VPS13A: variants seen among roughly 807,000 people sequenced by gnomAD.
VPS13A encodes intermembrane lipid transfer protein VPS13A.
Under a neutral mutation model 390.9 loss-of-function variants are expected in VPS13A, and 264 were observed. The ratio of observed to expected loss-of-function variants is 0.68; its 90% CI spans 0.61 to 0.75. VPS13A has a LOEUF of 0.75. Ranked by LOEUF, VPS13A falls within the 30% of genes least tolerant of loss-of-function variation. VPS13A has a pLI of 0.00. For synonymous variants in VPS13A, 1,231 were observed against 1,227.1 expected (o/e 1.00, Z -0.07); for missense variants, 3,409 against 3,733.9 (o/e 0.91, Z 2.27).
Position 77,264,582 on chromosome 9 carries a change from A to G in VPS13A, c.2427+4358A>G, listed in dbSNP as rs545328711. ...AATTGTGAATGGGAGTTCACTGATT[A>G]TTTGGCTCTCTGTTTGTCTATTATT... is the stretch of plus-strand genomic sequence containing the variant. On this transcript the variant is annotated intron_variant, in intron 23 of 71. Transcript: ENST00000360280. Among the ~76,000 whole-genome samples the G allele has an allele frequency of 1.2e-3, 179 of 152,248 alleles. 3 individuals carry two copies. In the South Asian group the frequency reaches 0.037, roughly 32 times the overall value.
intron 67 of VPS13A, among the ~76,000 whole-genome samples, chr9:77,380,298 G>A (rs563960820): frequency 6.3e-4 from 96 of 151,472 alleles, no homozygotes; most frequent in Non-Finnish European, 1.2e-3. Flanking sequence ...TATCTATTCT[G>A]TTTTTATTTT....
intron 53 of VPS13A, among the ~76,000 whole-genome samples, chr9:77,353,071 C>T (rs1016699841): frequency 6.6e-6 from 1 of 151,988 alleles, no homozygotes; most frequent in African/African-American, 2.4e-5. Context: ...TAATACATAT[C>T]ACATTGCTGT....
chr9:77,228,688 C>A (rs1406302171), intron 17 of VPS13A, among the ~76,000 whole-genome samples: 8 of 152,084 alleles, frequency 5.3e-5, no homozygotes, highest in Non-Finnish European at 1.2e-4. Context: ...TGTACAACCA[C>A]CAGCACTGTA....
intron 15 of VPS13A, 47 bp from the exon 16 acceptor site, chr9:77,227,344 T>C: frequency 7.5e-7 from 1 of 1,335,610 alleles, no homozygotes; most frequent in South Asian, 1.2e-5. Context: ...TGTGTTAATT[T>C]TATTGTTTTT....
chr9:77,284,666 C>G (rs574644954), intron 31 of VPS13A, among the ~76,000 whole-genome samples: 1 of 152,040 alleles, frequency 6.6e-6, no homozygotes, highest in African/African-American at 2.4e-5. Flanking sequence ...AGAGCATGAT[C>G]CAACCCATTG....
chr9:77,215,841 A>G (rs918930742), intron 10 of VPS13A, among the ~76,000 whole-genome samples: 12 of 152,214 alleles, frequency 7.9e-5, no homozygotes, highest in African/African-American at 2.4e-4. Flanking sequence ...CTTTCTGGAA[A>G]TTACTTTTAG....
In VPS13A at chr9:77,213,281, G is replaced by C. The variant is rs771869402; in HGVS notation, c.663G>C (p.Gln221His). Reference sequence around the variant, plus strand: ...TTGCCTATTGGAATGTGAAGTCTCAGATGTTTTATCTTAGTGATTATGATA... The same window carrying C: ...TTGCCTATTGGAATGTGAAGTCTCACATGTTTTATCTTAGTGATTATGATA... Reference protein sequence around the residue: ...NLFAYWNVKSQMFYLSDYDNS... With the variant: ...NLFAYWNVKSHMFYLSDYDNS... The change falls in exon 9 of 72, where the codon CAG (glutamine) becomes CAC (histidine). Residue 221 changes from glutamine to histidine, a missense_variant. By Grantham distance (24) the Gln-to-His change is conservative. Coordinates refer to ENST00000360280, the MANE Select transcript of VPS13A (RefSeq NM_033305.3). The C allele has an allele frequency of 4.3e-6, 7 of 1,613,664 alleles. No individual in the cohort carries two copies. The East Asian group carries it at 1.3e-4, about 31-fold the overall frequency.
At chr9:77,388,675 A>G (rs1409857024) in intron 68 of VPS13A, among the ~76,000 whole-genome samples, 1 of 152,206 alleles carries the variant, frequency 6.6e-6, no homozygotes, top group Non-Finnish European at 1.5e-5. Flanking sequence ...CCTCAAATAC[A>G]TGAGCACTGA....
intron 28 of VPS13A, 64 bp from the exon 29 acceptor site, chr9:77,282,057 C>T: frequency 6.5e-7 from 1 of 1,527,848 alleles, no homozygotes; most frequent in Non-Finnish European, 9.1e-7. Flanking sequence ...AAGCATAGTG[C>T]CTTGTAGAGA....
chr9:77,283,296 A>AT, intron 29 of VPS13A, 59 bp from the exon 30 acceptor site: 1 of 950,072 alleles, frequency 1.1e-6, no homozygotes, highest in South Asian at 1.4e-5. Flanking sequence ...TTATAAGTAT[A>AT]GTGAGGTAAC....
At chr9:77,370,792 T>C (rs1832707119) in intron 65 of VPS13A, 98 bp from the exon 66 acceptor site, 30 of 1,523,032 alleles carry the variant, frequency 2.0e-5, no homozygotes, top group Admixed American at 8.6e-5. Context: ...TTATGCTATA[T>C]AAAAAGCAGA....
Position 77,317,639 on chromosome 9 carries a change from ACTC to A in VPS13A, c.4898_4900del (p.Thr1633_Gln1634delinsLys), listed in dbSNP as rs1829477466. On this transcript the variant is annotated inframe_deletion, in exon 40 of 72. Coordinates refer to ENST00000360280, the MANE Select transcript of VPS13A (RefSeq NM_033305.3). ...GCCCTGTGACTTGTTTTATCAAACT[ACTC>A]AGAAAGGTACAGATCCACAAGTGAT... is the stretch of plus-strand genomic sequence containing the variant. 1.9e-6 allele frequency: 3 copies of A among 1,603,506 alleles called. No individual in the cohort carries two copies. Among genetic ancestry groups the A allele is most frequent in the Non-Finnish European group, 2.6e-6 (3 of 1,174,376 alleles).
intron 32 of VPS13A, among the ~76,000 whole-genome samples, chr9:77,295,286 C>T (rs1827914906): frequency 6.6e-6 from 1 of 152,046 alleles, no homozygotes; most frequent in African/African-American, 2.4e-5. Flanking sequence ...AAGTAGATAT[C>T]TGTAAGACAT....
Position 77,339,710 on chromosome 9 carries a change from G to T in VPS13A, c.6573G>T (p.Lys2191Asn), listed in dbSNP as rs780035378. 8.1e-6 allele frequency: 13 copies of T among 1,613,972 alleles called. No individual in the cohort carries two copies. In the East Asian group the frequency reaches 2.9e-4, roughly 36 times the overall value. ...TTACTTGTGTTACAGAAATGGAAAA[G>T]ACTGATTTAGATATTGCTGTCCATA... ...VSFTCVTEME[K>N]TDLDIAVHMT... The change falls in exon 48 of 72, where the codon AAG becomes AAT. Residue 2191 changes from lysine (K) to asparagine (N), a missense_variant. Transcript: ENST00000360280.
chr9:77,198,635 C>G (rs552049349), intron 1 of VPS13A, among the ~76,000 whole-genome samples: 2 of 152,006 alleles, frequency 1.3e-5, no homozygotes, highest in East Asian at 3.9e-4. Context: ...AGACCACGTA[C>G]TTTTATTTTT....
In VPS13A at chr9:77,321,696, A is replaced by G; in HGVS notation, c.5780A>G (p.His1927Arg). The G allele has an allele frequency of 1.2e-6, 2 of 1,613,350 alleles. No homozygotes were observed. Among genetic ancestry groups the G allele is most frequent in the South Asian group, 2.2e-5 (2 of 91,052 alleles). ...MDYIRTKDND[H>R]FNAMTSLSSK... is the part of the protein sequence containing the mutation. Reference sequence around the variant, plus strand: ...TATATCCGAACCAAGGACAATGATCATTTCAATGCAATGACCAGCCTAAGC... The same window carrying G: ...TATATCCGAACCAAGGACAATGATCGTTTCAATGCAATGACCAGCCTAAGC... Residue 1927 changes from histidine to arginine, a missense_variant, in exon 44 of 72, where the codon CAT becomes CGT. His to Arg is a conservative substitution (Grantham distance 29). Transcript: ENST00000360280.
At chr9:77,293,533 T>G (rs755216967) in intron 32 of VPS13A, 25 bp downstream of exon 32, 1 of 1,303,772 alleles carries the variant, frequency 7.7e-7, no homozygotes. Flanking sequence ...AAATTATTAT[T>G]TATTTTATAC....
intron 17 of VPS13A, among the ~76,000 whole-genome samples, chr9:77,237,752 G>A (rs1220992781): frequency 6.6e-6 from 1 of 152,128 alleles, no homozygotes; most frequent in African/African-American, 2.4e-5. Flanking sequence ...ATTAAGCATT[G>A]TAGATTTACT....
Position 77,177,782 on chromosome 9 carries a change from G to C in VPS13A, c.78G>C (p.Gln26His), listed in dbSNP as rs775342578. ...ATGTGGTGGACTTGGACACGTCCCAGCTCTCTCTGGGCATCTGGAAAGGTA... is the reference window on the plus strand; with the variant it reads ...ATGTGGTGGACTTGGACACGTCCCACCTCTCTCTGGGCATCTGGAAAGGTA... ...GDYVVDLDTS[Q>H]LSLGIWKGAV... Residue 26 changes from glutamine (Q) to histidine (H), a missense_variant, in exon 1 of 72, where the codon CAG becomes CAC. Gln to His is a conservative substitution (Grantham distance 24). This residue lies in a region of VPS13A where 2,717 missense variants were observed against 2,917.4 expected (regional missense o/e 0.93). Coordinates refer to ENST00000360280, the MANE Select transcript of VPS13A (RefSeq NM_033305.3). The C allele has an allele frequency of 6.2e-7, 1 of 1,613,286 alleles. No homozygotes were observed. Among genetic ancestry groups the C allele is most frequent in the African/African-American group, 1.3e-5 (1 of 74,918 alleles).
Sources: allele counts gnomAD v4.1 joint callset (sites outside exome capture counted in the v4.1 genomes callset), GRCh38; gene constraint gnomAD v4.1.1; regional missense constraint gnomAD v4.1.1; transcripts MANE v1.5; gene names NCBI Gene and HGNC (gene_info 2026-07-23, HGNC 2026-07-21).